SLC25A26: variants seen among roughly 807,000 people sequenced by gnomAD.
SLC25A26 encodes mitochondrial S-adenosylmethionine carrier protein.
In SLC25A26, 36 loss-of-function variants were observed where a neutral mutation model predicts 37.8. The observed-to-expected ratio is 0.95, with a 90% CI of 0.73 to 1.26. SLC25A26 has a LOEUF of 1.26. Ranked by LOEUF, SLC25A26 falls within the 50% of genes most tolerant of loss-of-function variation. The pLI is 0.00. For synonymous variants in SLC25A26, 129 were observed against 122.5 expected (o/e 1.05, Z -0.35); for missense variants, 390 against 331.1 (o/e 1.18, Z -1.38).
intron 1 of SLC25A26, among the ~76,000 whole-genome samples, chr3:66,193,224 A>C (rs2070979172): frequency 6.6e-6 from 1 of 152,200 alleles, no homozygotes; most frequent in Admixed American, 6.5e-5. Flanking sequence ...GTCTTGATGC[A>C]TACAAAAAGG....
intron 1 of SLC25A26, among the ~76,000 whole-genome samples, chr3:66,184,066 A>C (rs920934714): frequency 1.5e-4 from 23 of 151,772 alleles, no homozygotes; most frequent in Middle Eastern, 3.4e-3. Flanking sequence ...CCCCACCCTA[A>C]ACTTTAACCT....
Position 66,236,756 on chromosome 3 carries a change from T to C in SLC25A26, c.190+56T>C, listed in dbSNP as rs797029598. 5 of 1,370,784 alleles carry C rather than the reference T, an allele frequency of 3.6e-6. No homozygotes were observed. In the African/African-American group the frequency reaches 7.1e-5, roughly 20 times the overall value. 84.9% of individuals were successfully genotyped at this position (1,370,784 alleles called of 1,614,324 possible). A position where few individuals can be genotyped will look rare whatever the true frequency, so the allele number is the denominator to read the frequency against. The stretch of plus-strand genomic sequence containing the variant: ...CCAAGATAAGATGGGATTTTCAGAA[T>C]GGTGTGTGGTCTTACCCCCATAGAA... On this transcript the variant is annotated intron_variant, in intron 2 of 9. Coordinates refer to ENST00000354883, the MANE Select transcript of SLC25A26 (RefSeq NM_001379210.1).
intron 5 of SLC25A26, among the ~76,000 whole-genome samples, chr3:66,327,346 T>C (rs906217122): frequency 3.3e-5 from 5 of 152,222 alleles, no homozygotes; most frequent in African/African-American, 4.8e-5. Flanking sequence ...AAGATTTCTG[T>C]GGTTTGACTC....
chr3:66,245,042 TGTAAGTG>T (rs1250879908), intron 3 of SLC25A26, among the ~76,000 whole-genome samples: 1 of 152,030 alleles, frequency 6.6e-6, no homozygotes, highest in African/African-American at 2.4e-5. Context: ...AACACAGTAC[TGTAAGTG>T]GTAAGTGTAA....
At chr3:66,259,815 C>G (rs115219618) in intron 3 of SLC25A26, among the ~76,000 whole-genome samples, 1,700 of 152,244 alleles carry the variant, frequency 0.011, 31 homozygotes, top group African/African-American at 0.039. Flanking sequence ...TCAGCTTTTT[C>G]AAGTGTTCCC....
intron 5 of SLC25A26, among the ~76,000 whole-genome samples, chr3:66,312,375 C>G (rs759812793): frequency 6.6e-6 from 1 of 152,130 alleles, no homozygotes; most frequent in Non-Finnish European, 1.5e-5. Flanking sequence ...GAATGCTTTG[C>G]TGGCAGCAAG....
chr3:66,369,431 ATACAG>A (rs751664298), intron 7 of SLC25A26, 42 bp from the exon 8 acceptor site: 8 of 1,523,564 alleles, frequency 5.3e-6, no homozygotes, highest in Middle Eastern at 1.7e-4. Context: ...TTACAAAATT[ATACAG>A]TAAACAGGAT....
At chr3:66,330,895 C>T (rs1041685065) in intron 5 of SLC25A26, among the ~76,000 whole-genome samples, 1 of 152,100 alleles carries the variant, frequency 6.6e-6, no homozygotes, top group Non-Finnish European at 1.5e-5. Flanking sequence ...AGCTGTTTGT[C>T]CTTCAAGAAC....
chr3:66,229,898 T>G (rs562546010), intron 1 of SLC25A26, among the ~76,000 whole-genome samples: 1 of 152,286 alleles, frequency 6.6e-6, no homozygotes, highest in South Asian at 2.1e-4. Flanking sequence ...GTTCTTTCCA[T>G]TAGGAGGTAA....
chr3:66,155,561 T>C (rs2070270366), intron 1 of SLC25A26, among the ~76,000 whole-genome samples: 2 of 152,218 alleles, frequency 1.3e-5, no homozygotes, highest in East Asian at 3.9e-4. Flanking sequence ...AAAAATGCAT[T>C]CAAGTCAGCA....
intron 1 of SLC25A26, among the ~76,000 whole-genome samples, chr3:66,227,752 C>T (rs2071824620): frequency 6.6e-6 from 1 of 152,144 alleles, no homozygotes; most frequent in Admixed American, 6.6e-5. Flanking sequence ...GGTGTCTTCT[C>T]ACTGGACCTG....
At chr3:66,358,016 G>A (rs187613654) in intron 6 of SLC25A26, among the ~76,000 whole-genome samples, 2 of 152,202 alleles carry the variant, frequency 1.3e-5, no homozygotes, top group South Asian at 2.1e-4. Context: ...AGCATTGTAG[G>A]TAGTCAGTAA....
At chr3:66,325,380 A>T (rs1041972544) in intron 5 of SLC25A26, among the ~76,000 whole-genome samples, 2 of 152,238 alleles carry the variant, frequency 1.3e-5, no homozygotes, top group Non-Finnish European at 2.9e-5. Context: ...TTTCATATGT[A>T]CCAGGTACTA....
At chr3:66,248,983 C>A (rs2072968788) in intron 3 of SLC25A26, among the ~76,000 whole-genome samples, 1 of 152,330 alleles carries the variant, frequency 6.6e-6, no homozygotes, top group East Asian at 1.9e-4. Flanking sequence ...TCTGAACTTA[C>A]ACCCCAGTAG....
At chr3:66,182,722 G>T (rs868733483) in intron 1 of SLC25A26, among the ~76,000 whole-genome samples, 30 of 142,082 alleles carry the variant, frequency 2.1e-4, no homozygotes, top group East Asian at 1.0e-3. Flanking sequence ...GCGGCGGGGG[G>T]GGGGGGTGGG....
At chr3:66,310,929 T>C (rs2075358890) in intron 5 of SLC25A26, among the ~76,000 whole-genome samples, 1 of 152,226 alleles carries the variant, frequency 6.6e-6, no homozygotes, top group South Asian at 2.1e-4. Context: ...TTAACATTTT[T>C]TCCTTCCTTT....
chr3:66,161,032 C>G (rs1024251834), intron 1 of SLC25A26, among the ~76,000 whole-genome samples: 5 of 152,096 alleles, frequency 3.3e-5, no homozygotes, highest in African/African-American at 1.2e-4. Flanking sequence ...CCTAATTGTT[C>G]CCTCTGGCTG....
chr3:66,377,064 G>T (rs980028260), intron 9 of SLC25A26, among the ~76,000 whole-genome samples: 2 of 152,062 alleles, frequency 1.3e-5, no homozygotes, highest in Non-Finnish European at 2.9e-5. Flanking sequence ...GGGGAGGGGG[G>T]GCAGTTTTAA....
chr3:66,138,597 G>T (rs2069983637), intron 1 of SLC25A26, among the ~76,000 whole-genome samples: 1 of 130,258 alleles, frequency 7.7e-6, no homozygotes, highest in African/African-American at 2.8e-5. Flanking sequence ...CTGGTAAAAT[G>T]TTTCCAAATG....
Sources: allele counts gnomAD v4.1 joint callset (sites outside exome capture counted in the v4.1 genomes callset), GRCh38; gene constraint gnomAD v4.1.1; transcripts MANE v1.5; gene names NCBI Gene and HGNC (gene_info 2026-07-23, HGNC 2026-07-21).